The following ARHGAP26 variants were observed in gnomAD, a reference collection of about 807,000 sequenced individuals.
ARHGAP26 encodes the protein rho GTPase-activating protein 26.
Under a neutral mutation model 104.8 loss-of-function variants are expected in ARHGAP26, and 38 were observed. The ratio of observed to expected loss-of-function variants is 0.36; its 90% CI spans 0.28 to 0.48. The LOEUF (loss-of-function observed/expected upper bound fraction) is 0.48, where lower values mean the gene tolerates loss of function less well. ARHGAP26 is among the 20% of genes least tolerant of loss of function. ARHGAP26 has a pLI of 0.99. For missense variants in ARHGAP26, 704 were observed against 947.9 expected (o/e 0.74, Z 3.38); for synonymous variants, 341 against 340.0 (o/e 1.00, Z -0.03).
intron 5 of ARHGAP26, among the ~76,000 whole-genome samples, chr5:142,889,736 C>G (rs1758225790): frequency 6.6e-6 from 1 of 152,034 alleles, no homozygotes; most frequent in Admixed American, 6.5e-5. Context: ...AAACTGAGCC[C>G]AGAAGGAATG....
In ARHGAP26 at chr5:142,990,288, G is replaced by A. The variant is rs142841405; in HGVS notation, c.1108-23792G>A. On this transcript the variant is annotated intron_variant, in intron 11 of 22. Coordinates refer to ENST00000645722, the MANE Select transcript of ARHGAP26 (RefSeq NM_001135608.3). Reference sequence around the variant, plus strand: ...GATTGCGTCATGTAGTTCTTGTGCCGTGGTTTTCAGCTCCATCCGGTCATT... The same window carrying A: ...GATTGCGTCATGTAGTTCTTGTGCCATGGTTTTCAGCTCCATCCGGTCATT... Among the ~76,000 whole-genome samples, 503 of 152,282 alleles carry A rather than the reference G, an allele frequency of 3.3e-3. 1 individual carries two copies. The highest frequency in any genetic ancestry group is 7.0e-3 in the South Asian group (34 of 4,828).
At chr5:142,771,274 C>A (rs1755141030) in intron 1 of ARHGAP26, 2 of 1,244,296 alleles carry the variant, frequency 1.6e-6, no homozygotes, top group Admixed American at 4.2e-5. Context: ...ATCGTGTCCA[C>A]AGCTCCAGCT....
intron 11 of ARHGAP26, among the ~76,000 whole-genome samples, chr5:142,937,949 G>A (rs1765685945): frequency 6.6e-6 from 1 of 152,132 alleles, no homozygotes; most frequent in African/African-American, 2.4e-5. Flanking sequence ...ATAGTTCTGT[G>A]TTTTGATCTT....
intron 14 of ARHGAP26, among the ~76,000 whole-genome samples, chr5:143,046,006 C>T (rs1238979770): frequency 1.3e-5 from 2 of 152,142 alleles, no homozygotes; most frequent in Admixed American, 6.5e-5. Flanking sequence ...TGGTGGTGCA[C>T]ACCTGTAATC....
intron 1 of ARHGAP26, among the ~76,000 whole-genome samples, chr5:142,858,183 G>T (rs932023489): frequency 6.6e-6 from 1 of 151,654 alleles, no homozygotes; most frequent in Admixed American, 6.6e-5. Flanking sequence ...AGAAGGGATG[G>T]TTTTTGTATT....
chr5:142,806,689 G>A (rs919827134), intron 1 of ARHGAP26, among the ~76,000 whole-genome samples: 41 of 152,090 alleles, frequency 2.7e-4, no homozygotes, highest in African/African-American at 8.7e-4. Flanking sequence ...TTAGTGCAAC[G>A]AAGAAAAGAC....
intron 22 of ARHGAP26, among the ~76,000 whole-genome samples, chr5:143,215,420 A>G (rs1810193098): frequency 6.6e-6 from 1 of 152,182 alleles, no homozygotes; most frequent in Non-Finnish European, 1.5e-5. Flanking sequence ...CTTCTTTTTG[A>G]TTCCTTTTGG....
intron 17 of ARHGAP26, among the ~76,000 whole-genome samples, chr5:143,119,594 A>C (rs1464478374): frequency 1.3e-5 from 2 of 152,206 alleles, no homozygotes; most frequent in Non-Finnish European, 2.9e-5. Context: ...AGACTCAGCA[A>C]GAACTAAGAA....
chr5:143,116,239 T>C (rs1795425936), intron 17 of ARHGAP26, among the ~76,000 whole-genome samples: 1 of 152,212 alleles, frequency 6.6e-6, no homozygotes, highest in Admixed American at 6.5e-5. Flanking sequence ...TTAAAAAGTC[T>C]AAAATGCTCT....
At chr5:142,834,912 C>CATAT (rs1302507080) in intron 1 of ARHGAP26, among the ~76,000 whole-genome samples, 1 of 152,132 alleles carries the variant, frequency 6.6e-6, no homozygotes, top group Non-Finnish European at 1.5e-5. Context: ...ACCATATCAC[C>CATAT]CAAAGAGTGC....
At chr5:143,147,506 T>A in intron 20 of ARHGAP26, 125 bp downstream of exon 20, 1 of 1,147,154 alleles carries the variant, frequency 8.7e-7, no homozygotes, top group Non-Finnish European at 1.2e-6. Context: ...ACCTCCTCCC[T>A]AAACTGGGAG....
intron 12 of ARHGAP26, among the ~76,000 whole-genome samples, chr5:143,015,261 C>G (rs1779427680): frequency 6.6e-6 from 1 of 152,102 alleles, no homozygotes; most frequent in Non-Finnish European, 1.5e-5. Flanking sequence ...TGTTTTAGAA[C>G]ACTTGAAGTC....
intron 12 of ARHGAP26, among the ~76,000 whole-genome samples, chr5:143,032,685 T>C (rs1472291006): frequency 1.3e-5 from 2 of 152,268 alleles, no homozygotes; most frequent in African/African-American, 4.8e-5. Flanking sequence ...AGATTAGGAC[T>C]AATGATCTGG....
At chr5:143,013,226 A>G (rs1779134449) in intron 11 of ARHGAP26, among the ~76,000 whole-genome samples, 1 of 152,216 alleles carries the variant, frequency 6.6e-6, no homozygotes, top group Non-Finnish European at 1.5e-5. Flanking sequence ...ATACTCAAAT[A>G]TTATTAGTTT....
At chr5:143,012,540 T>TATATATACATATATAC (rs1158338407) in intron 11 of ARHGAP26, among the ~76,000 whole-genome samples, 1 of 41,070 alleles carries the variant, frequency 2.4e-5, no homozygotes, top group African/African-American at 7.9e-5. Flanking sequence ...GATATATTTA[T>TATATATACATATATAC]ATACATACAT....
At position 143,133,849 on chromosome 5, in the gene ARHGAP26, C is replaced by T. The variant is rs138695046; in HGVS notation, c.1699-118C>T. 561 of 1,006,146 alleles carry T rather than the reference C, an allele frequency of 5.6e-4. 6 individuals are homozygous for T. In the East Asian group the frequency reaches 0.013, roughly 23 times the overall value. The allele number at this position is 1,006,146 out of a possible 1,614,324, so 62.3% of individuals were successfully genotyped here. A position where few individuals can be genotyped will look rare whatever the true frequency, so the allele number is the denominator to read the frequency against. ...GTCTTGAACAACTGCCAGTGGTCTT[C>T]TCGGATCTTTTCTTGCTAATTCCAA... is the stretch of plus-strand genomic sequence containing the variant. On this transcript the variant is annotated intron_variant, in intron 18 of 22. Coordinates refer to ENST00000645722, the MANE Select transcript of ARHGAP26 (RefSeq NM_001135608.3).
At chr5:143,182,091 G>A (rs1221441523) in intron 20 of ARHGAP26, among the ~76,000 whole-genome samples, 1 of 152,134 alleles carries the variant, frequency 6.6e-6, no homozygotes, top group African/African-American at 2.4e-5. Flanking sequence ...ATCCTTACAT[G>A]CTATAGCCTG....
intron 1 of ARHGAP26, among the ~76,000 whole-genome samples, chr5:142,820,628 A>G (rs1194676669): frequency 6.6e-6 from 1 of 152,196 alleles, no homozygotes; most frequent in Non-Finnish European, 1.5e-5. Context: ...CAGCAGTGGG[A>G]TGGGCAGAGC....
intron 11 of ARHGAP26, among the ~76,000 whole-genome samples, chr5:142,959,194 T>C (rs1166681532): frequency 3.9e-5 from 6 of 152,248 alleles, no homozygotes; most frequent in Non-Finnish European, 8.8e-5. Context: ...TATGTGGACA[T>C]TTGTACAGAT....
Sources: gnomAD v4.1 joint callset for allele counts (sites outside exome capture counted in the v4.1 genomes callset) on GRCh38, gnomAD v4.1.1 for gene constraint, MANE v1.5 for transcripts, NCBI Gene and HGNC (gene_info 2026-07-23, HGNC 2026-07-21) for gene names.